GRM8: variants seen among roughly 807,000 people sequenced by gnomAD.
GRM8 encodes the protein metabotropic glutamate receptor 8.
GRM8 carries 47 observed loss-of-function variants against 87.2 expected under a neutral mutation model. The ratio of observed to expected loss-of-function variants is 0.54; its 90% CI spans 0.43 to 0.69. The LOEUF (loss-of-function observed/expected upper bound fraction) is 0.69. Ranked by LOEUF, GRM8 falls within the 30% of genes least tolerant of loss-of-function variation. The pLI, the probability that GRM8 is intolerant of heterozygous loss-of-function variation, is 0.00. For synonymous variants in GRM8, 396 were observed against 404.5 expected (o/e 0.98, Z 0.25); for missense variants, 1,019 against 1,139.2 (o/e 0.89, Z 1.52).
chr7:127,028,589 G>A (rs940227669), intron 3 of GRM8, among the ~76,000 whole-genome samples: 5 of 151,954 alleles, frequency 3.3e-5, no homozygotes, highest in South Asian at 2.1e-4. Context: ...GGAATTTATC[G>A]ATTTCTTCTA....
At chr7:126,873,153 T>C (rs899098278) in intron 6 of GRM8, among the ~76,000 whole-genome samples, 1 of 152,108 alleles carries the variant, frequency 6.6e-6, no homozygotes, top group Admixed American at 6.6e-5. Context: ...ATAACTTTCA[T>C]TGGGGAGCAC....
chr7:127,116,052 G>A (rs554985337), intron 2 of GRM8, among the ~76,000 whole-genome samples: 1 of 152,310 alleles, frequency 6.6e-6, no homozygotes, highest in East Asian at 1.9e-4. Flanking sequence ...GGAATTCTAG[G>A]TGACAATGAG....
chr7:127,151,260 T>C (rs1355604830), intron 2 of GRM8, among the ~76,000 whole-genome samples: 3 of 151,962 alleles, frequency 2.0e-5, no homozygotes, highest in African/African-American at 7.2e-5. Context: ...TTGACCTCCA[T>C]AGAGAAAATC....
chr7:126,786,882 G>T (rs905276005), intron 6 of GRM8, among the ~76,000 whole-genome samples: 9 of 152,144 alleles, frequency 5.9e-5, no homozygotes, highest in Admixed American at 3.3e-4. Flanking sequence ...TTTCTGAACT[G>T]TATGACTGTT....
At chr7:126,508,270 C>G (rs951725455) in intron 9 of GRM8, among the ~76,000 whole-genome samples, 17 of 151,260 alleles carry the variant, frequency 1.1e-4, no homozygotes, top group African/African-American at 4.1e-4. Flanking sequence ...CACACACACA[C>G]GCAAACACAC....
intron 7 of GRM8, among the ~76,000 whole-genome samples, chr7:126,768,144 C>T (rs948662049): frequency 6.6e-6 from 1 of 151,858 alleles, no homozygotes; most frequent in African/African-American, 2.4e-5. Context: ...GGGAAATGTC[C>T]ACTATTATAA....
chr7:126,911,606 C>T (rs1368575039), intron 3 of GRM8, among the ~76,000 whole-genome samples: 2 of 152,158 alleles, frequency 1.3e-5, no homozygotes, highest in Non-Finnish European at 1.5e-5. Flanking sequence ...TAGAAGCAAA[C>T]CTCAGAAGGA....
intron 9 of GRM8, among the ~76,000 whole-genome samples, chr7:126,496,658 A>G (rs983561008): frequency 6.6e-6 from 1 of 152,008 alleles, no homozygotes; most frequent in Non-Finnish European, 1.5e-5. Flanking sequence ...AGGTAAAATC[A>G]TCCAGAGGTC....
At chr7:126,495,151 G>C (rs1219915787) in intron 9 of GRM8, among the ~76,000 whole-genome samples, 1 of 151,944 alleles carries the variant, frequency 6.6e-6, no homozygotes, top group Non-Finnish European at 1.5e-5. Context: ...TAAGAGGTCA[G>C]GAAAAAAATA....
intron 7 of GRM8, among the ~76,000 whole-genome samples, chr7:126,662,774 G>A (rs1563070794): frequency 6.6e-6 from 1 of 151,784 alleles, no homozygotes; most frequent in African/African-American, 2.4e-5. Flanking sequence ...AACAAGAGTC[G>A]TAAAGCCAAG....
At chr7:127,096,211 C>T (rs1824637077) in intron 3 of GRM8, among the ~76,000 whole-genome samples, 1 of 152,166 alleles carries the variant, frequency 6.6e-6, no homozygotes, top group Non-Finnish European at 1.5e-5. Context: ...GATATATATT[C>T]AGGCCAGTAA....
intron 7 of GRM8, among the ~76,000 whole-genome samples, chr7:126,754,955 GA>G (rs67908856): frequency 0.39 from 58,918 of 149,710 alleles, 12,675 homozygotes; most frequent in Non-Finnish European, 0.48. Flanking sequence ...ATGCTAAAAA[GA>G]AAAAAAAAAT....
chr7:126,924,460 C>T (rs1258406122), intron 3 of GRM8, among the ~76,000 whole-genome samples: 1 of 152,192 alleles, frequency 6.6e-6, no homozygotes, highest in Admixed American at 6.5e-5. Flanking sequence ...GTCCCAGATA[C>T]AGTAACTCGT....
Position 127,185,653 on chromosome 7 carries a change from C to T in GRM8, c.510+57042G>A, listed in dbSNP as rs185896308. Among the ~76,000 whole-genome samples, 18 of 152,190 alleles carry T rather than the reference C, an allele frequency of 1.2e-4. No homozygotes were observed. In the East Asian group the frequency reaches 2.9e-3, roughly 25 times the overall value. Reference sequence around the variant, plus strand: ...AAAGTTCATTCCTTACCCAAATGACCACCCATGTACTGGGCTCAGCCAAGT... The same window carrying T: ...AAAGTTCATTCCTTACCCAAATGACTACCCATGTACTGGGCTCAGCCAAGT... On this transcript the variant is annotated intron_variant, in intron 2 of 10. Coordinates refer to ENST00000339582, the MANE Select transcript of GRM8 (RefSeq NM_000845.3).
At chr7:126,915,868 T>C (rs1803846190) in intron 3 of GRM8, among the ~76,000 whole-genome samples, 1 of 152,132 alleles carries the variant, frequency 6.6e-6, no homozygotes, top group African/African-American at 2.4e-5. Context: ...TGAGGAACAA[T>C]TGGAGAAGGA....
intron 6 of GRM8, among the ~76,000 whole-genome samples, chr7:126,790,804 G>A (rs906666242): frequency 6.6e-5 from 10 of 152,266 alleles, no homozygotes; most frequent in African/African-American, 2.2e-4. Context: ...GCGATGCTCC[G>A]TAAAGTGTGG....
chr7:126,907,914 G>A (rs1802879463), intron 3 of GRM8, among the ~76,000 whole-genome samples: 1 of 152,130 alleles, frequency 6.6e-6, no homozygotes, highest in East Asian at 1.9e-4. Flanking sequence ...AGAATCAATG[G>A]GGCTTTGTAT....
chr7:127,205,229 A>G (rs76139560), intron 2 of GRM8, among the ~76,000 whole-genome samples: 1 of 152,282 alleles, frequency 6.6e-6, no homozygotes, highest in East Asian at 1.9e-4. Flanking sequence ...CATTGATTCA[A>G]TCTATATGAA....
chr7:126,629,148 G>A lies in GRM8; in HGVS notation c.1358-19650C>T, dbSNP rs28482885. Among the ~76,000 whole-genome samples the A allele has an allele frequency of 3.2e-3, 493 of 152,180 alleles. 4 individuals carry two copies. The highest frequency in any genetic ancestry group is 0.011 in the African/African-American group (453 of 41,526). ...CCCATGGAGAATATGAATCCTCCCCGGAGGTCAATGAACCCAGACAAAATA... is the reference window on the plus strand; with the variant it reads ...CCCATGGAGAATATGAATCCTCCCCAGAGGTCAATGAACCCAGACAAAATA... On this transcript the variant is annotated intron_variant, in intron 7 of 10. Transcript: ENST00000339582.
Sources: gnomAD v4.1 joint callset for allele counts (sites outside exome capture counted in the v4.1 genomes callset) on GRCh38, gnomAD v4.1.1 for gene constraint, MANE v1.5 for transcripts, NCBI Gene and HGNC (gene_info 2026-07-23, HGNC 2026-07-21) for gene names.